CCDC7: variants seen among roughly 807,000 people sequenced by gnomAD.
CCDC7 encodes the protein coiled-coil domain-containing protein 7.
CCDC7 carries 183 observed loss-of-function variants against 196.9 expected under a neutral mutation model. That is an observed-to-expected ratio of 0.93 (90% CI 0.82 to 1.05). The LOEUF (loss-of-function observed/expected upper bound fraction) is 1.05, where lower values mean the gene tolerates loss of function less well. CCDC7 is among the 50% of genes least tolerant of loss of function. The pLI, the probability that CCDC7 is intolerant of heterozygous loss-of-function variation, is 0.00. For synonymous variants in CCDC7, 525 were observed against 484.6 expected (o/e 1.08, Z -1.10); for missense variants, 1,540 against 1,482.2 (o/e 1.04, Z -0.64).
chr10:32,851,099 A>AT (rs976026268), intron 39 of CCDC7, among the ~76,000 whole-genome samples: 13 of 150,806 alleles, frequency 8.6e-5, no homozygotes, highest in South Asian at 2.1e-4. Context: ...TTTGATCTTT[A>AT]TTTTTTTTTC....
rs373724864 is a variant in CCDC7 at position 32,830,121 on chromosome 10, G to GATATATATATACATATATATATATAT, written c.3269-4683_3269-4682insCATATATATATATATATATATATATA. 9.2e-3 allele frequency among the ~76,000 whole-genome samples: 468 copies of GATATATATATACATATATATATATAT among 50,616 alleles called. 32 individuals are homozygous for GATATATATATACATATATATATATAT. Among genetic ancestry groups the GATATATATATACATATATATATATAT allele is most frequent in the African/African-American group, 0.019 (430 of 22,106 alleles). 33.2% of individuals were successfully genotyped at this position (50,616 alleles called of 152,430 possible). Reference sequence around the variant, plus strand: ...TCCTATTAGTTCTTATATATATAAGGATATATATATATATATATATCCTAT... The same window carrying GATATATATATACATATATATATATAT: ...TCCTATTAGTTCTTATATATATAAGGATATATATATACATATATATATATATATATATATATATATATATATCCTAT... On this transcript the variant is annotated intron_variant, in intron 32 of 41. Coordinates refer to ENST00000639629, the Ensembl canonical transcript of CCDC7.
intron 29 of CCDC7, among the ~76,000 whole-genome samples, chr10:32,793,403 A>T (rs901713685): frequency 1.3e-5 from 2 of 152,182 alleles, no homozygotes; most frequent in Non-Finnish European, 2.9e-5. Context: ...CTTGTAATGG[A>T]TTATAAATCC....
intron 18 of CCDC7, among the ~76,000 whole-genome samples, chr10:32,614,358 C>T (rs1255022225): frequency 6.6e-6 from 1 of 151,636 alleles, no homozygotes; most frequent in Non-Finnish European, 1.5e-5. Context: ...TAATACGTCT[C>T]CTGAATACAG....
chr10:32,781,294 C>T (rs954742905), intron 29 of CCDC7, among the ~76,000 whole-genome samples: 5 of 152,122 alleles, frequency 3.3e-5, no homozygotes, highest in South Asian at 2.1e-4. Flanking sequence ...GGGAATACTT[C>T]CTAACTCATT....
Position 32,845,857 on chromosome 10 carries a change from ATC to A in CCDC7, c.3521-17_3521-16del, listed in dbSNP as rs2093266940. On this transcript the variant is annotated splice_polypyrimidine_tract_variant and intron_variant, in intron 35 of 41. Coordinates refer to ENST00000639629, the Ensembl canonical transcript of CCDC7. ...TGTTTACCTTATAAAATATATTGAAATCTGTTTTATTTCAATAGAGACTGATA... is the reference window on the plus strand; with the variant it reads ...TGTTTACCTTATAAAATATATTGAAATGTTTTATTTCAATAGAGACTGATA... 6.4e-7 allele frequency: 1 copy of A among 1,560,298 alleles called. No homozygotes were observed. Among genetic ancestry groups the A allele is most frequent in the African/African-American group, 1.4e-5 (1 of 73,556 alleles).
intron 28 of CCDC7, among the ~76,000 whole-genome samples, chr10:32,730,527 A>C (rs2132750452): frequency 6.6e-6 from 1 of 152,100 alleles, no homozygotes. Context: ...AAGTATTTGT[A>C]ATAATGTTTA....
chr10:32,737,541 A>G (rs142118190), intron 28 of CCDC7, among the ~76,000 whole-genome samples: 1 of 152,286 alleles, frequency 6.6e-6, no homozygotes, highest in Admixed American at 6.5e-5. Flanking sequence ...AATTAGATCC[A>G]GTTGATTGGT....
At chr10:32,752,729 A>C (rs1355316227) in intron 28 of CCDC7, among the ~76,000 whole-genome samples, 1 of 152,212 alleles carries the variant, frequency 6.6e-6, no homozygotes, top group African/African-American at 2.4e-5. Context: ...TTATTTAAAA[A>C]TATATCAATG....
At chr10:32,508,952 T>A (rs1365295001) in intron 9 of CCDC7, among the ~76,000 whole-genome samples, 2 of 136,994 alleles carry the variant, frequency 1.5e-5, no homozygotes, top group East Asian at 3.9e-4. Context: ...TTTTTTTTTT[T>A]GAAATGGAGT....
At chr10:32,661,207 A>G (rs1346233829) in intron 20 of CCDC7, among the ~76,000 whole-genome samples, 5 of 150,744 alleles carry the variant, frequency 3.3e-5, no homozygotes, top group Non-Finnish European at 7.4e-5. Context: ...TGCAGCCAAA[A>G]AACACATGAA....
intron 24 of CCDC7, among the ~76,000 whole-genome samples, chr10:32,701,176 G>C (rs1359494219): frequency 6.6e-6 from 1 of 152,310 alleles, no homozygotes; most frequent in South Asian, 2.1e-4. Flanking sequence ...CATTCAGTAT[G>C]ATATTGGCTG....
intron 29 of CCDC7, among the ~76,000 whole-genome samples, chr10:32,790,085 T>C (rs1018528635): frequency 6.6e-6 from 1 of 152,164 alleles, no homozygotes; most frequent in Non-Finnish European, 1.5e-5. Context: ...GCAACCCTCA[T>C]GGGTTGGAGT....
chr10:32,511,506 T>C (rs2046199622), intron 9 of CCDC7: 35 of 1,602,228 alleles, frequency 2.2e-5, no homozygotes, highest in Non-Finnish European at 2.9e-5. Context: ...GGATGTTCCT[T>C]AGGATTAACT....
At chr10:32,798,177 C>T (rs112420447) in intron 29 of CCDC7, among the ~76,000 whole-genome samples, 24 of 152,174 alleles carry the variant, frequency 1.6e-4, no homozygotes, top group African/African-American at 5.8e-4. Flanking sequence ...CAAACCTCTG[C>T]CCTTTCCATG....
At position 32,596,289 on chromosome 10, in the gene CCDC7, C is replaced by T. The variant is rs148064588; in HGVS notation, c.1801+11985C>T. On this transcript the variant is annotated intron_variant, in intron 18 of 41. Coordinates refer to ENST00000639629, the Ensembl canonical transcript of CCDC7. ...CATTGATCCCTTTACCATTATGTAA[C>T]GGCCTTCTTTGTCTCTTTTTATCTT... Among the ~76,000 whole-genome samples, 799 of 152,068 alleles carry T rather than the reference C, an allele frequency of 5.3e-3. 6 individuals are homozygous for T. The highest frequency in any genetic ancestry group is 0.019 in the African/African-American group (772 of 41,474).
chr10:32,484,374 C>T (rs199657789), intron 8 of CCDC7, among the ~76,000 whole-genome samples: 2 of 152,144 alleles, frequency 1.3e-5, no homozygotes, highest in African/African-American at 2.4e-5. Flanking sequence ...TGAAGTTGCT[C>T]ATCAGCTTAA....
In CCDC7 at chr10:32,761,527, A is replaced by G. The variant is rs780292384; in HGVS notation, c.2906-17450A>G. Among the ~76,000 whole-genome samples, 38 of 151,976 alleles carry G rather than the reference A, an allele frequency of 2.5e-4. 1 individual carries two copies. Among genetic ancestry groups the G allele is most frequent in the Admixed American group, 5.9e-4 (9 of 15,212 alleles). ...TTATGTTAGACAAAGTGGGGAAAGA[A>G]AAGTATGAGCTTGGAATTCAGATTT... On this transcript the variant is annotated intron_variant, in intron 28 of 41. Transcript: ENST00000639629.
chr10:32,679,547 C>T (rs1195386503), intron 21 of CCDC7, among the ~76,000 whole-genome samples: 1 of 152,194 alleles, frequency 6.6e-6, no homozygotes, highest in East Asian at 1.9e-4. Context: ...CATTAATCTT[C>T]TTTTTAATTG....
intron 41 of CCDC7, among the ~76,000 whole-genome samples, chr10:32,871,650 A>G (rs542787446): frequency 5.9e-5 from 9 of 151,998 alleles, no homozygotes; most frequent in African/African-American, 1.2e-4. Context: ...TAGCTTTTGA[A>G]TGTGTTTGCT....
Sources: allele counts gnomAD v4.1 joint callset (sites outside exome capture counted in the v4.1 genomes callset), GRCh38; gene constraint gnomAD v4.1.1; transcripts MANE v1.5; gene names NCBI Gene and HGNC (gene_info 2026-07-23, HGNC 2026-07-21).